Variants in BORCS5 observed in about 807,000 individuals in gnomAD.
The protein encoded by BORCS5 is BLOC-1 related complex subunit 5, also known as BLOC-1-related complex subunit 5.
In BORCS5, 17 loss-of-function variants were observed where a neutral mutation model predicts 22.1. The ratio of observed to expected loss-of-function variants is 0.77; its 90% CI spans 0.53 to 1.15. BORCS5 has a LOEUF of 1.15. BORCS5 is among the 50% of genes most tolerant of loss of function. The pLI, the probability that BORCS5 is intolerant of heterozygous loss-of-function variation, is 0.00. For missense variants in BORCS5, 247 were observed against 253.2 expected (o/e 0.98, Z 0.17); for synonymous variants, 117 against 99.8 (o/e 1.17, Z -1.03).
At chr12:12,380,135 G>T (rs1863745016) in intron 2 of BORCS5, among the ~76,000 whole-genome samples, 1 of 151,330 alleles carries the variant, frequency 6.6e-6, no homozygotes. Flanking sequence ...GGTGTGGTTT[G>T]TGGTGCCCAA....
intron 1 of BORCS5, among the ~76,000 whole-genome samples, chr12:12,358,445 AGC>A (rs1407204271): frequency 6.6e-6 from 1 of 152,252 alleles, no homozygotes; most frequent in African/African-American, 2.4e-5. Context: ...AATGGTGAGC[AGC>A]ATCTACTAGC....
intron 3 of BORCS5, among the ~76,000 whole-genome samples, chr12:12,453,300 A>T (rs970837629): frequency 2.6e-5 from 4 of 152,232 alleles, no homozygotes; most frequent in African/African-American, 9.6e-5. Flanking sequence ...AATTGCTGAG[A>T]ACTGGCATCT....
chr12:12,363,072 G>T (rs1863327432), intron 2 of BORCS5, among the ~76,000 whole-genome samples: 1 of 151,990 alleles, frequency 6.6e-6, no homozygotes, highest in Non-Finnish European at 1.5e-5. Context: ...GAGGCAGGAG[G>T]ATCACTTGAG....
chr12:12,407,404 CCTT>C (rs1383228428), intron 2 of BORCS5, among the ~76,000 whole-genome samples: 1 of 143,952 alleles, frequency 6.9e-6, no homozygotes, highest in Admixed American at 7.0e-5. Context: ...TTTTTTTTGG[CCTT>C]CTTATTAGAG....
chr12:12,376,400 A>AT (rs1457863482), intron 2 of BORCS5, among the ~76,000 whole-genome samples: 2 of 151,642 alleles, frequency 1.3e-5, no homozygotes, highest in Non-Finnish European at 2.9e-5. Flanking sequence ...CGCCCGGCTA[A>AT]TTTTTTGTAT....
intron 2 of BORCS5, among the ~76,000 whole-genome samples, chr12:12,417,543 G>T (rs1457023113): frequency 1.3e-5 from 2 of 152,146 alleles, no homozygotes; most frequent in African/African-American, 4.8e-5. Context: ...AGTCATTATT[G>T]TGAGTGGGAT....
chr12:12,371,886 T>C (rs1003032790), intron 2 of BORCS5, among the ~76,000 whole-genome samples: 1 of 152,132 alleles, frequency 6.6e-6, no homozygotes, highest in African/African-American at 2.4e-5. Flanking sequence ...TTTTCTGTCA[T>C]GTCTGTACTG....
At chr12:12,383,103 TTTAG>T (rs1359021453) in intron 2 of BORCS5, among the ~76,000 whole-genome samples, 1 of 151,424 alleles carries the variant, frequency 6.6e-6, no homozygotes, top group African/African-American at 2.4e-5. Flanking sequence ...AATACATATT[TTTAG>T]TTTACTGTTT....
rs71436712 is a variant in BORCS5, at chr12:12,362,636, C to CTTTTTTTTTTTTTTTTTTT, written c.202+1295_202+1313dup. Among the ~76,000 whole-genome samples the CTTTTTTTTTTTTTTTTTTT allele has an allele frequency of 1.0e-4, 6 of 57,588 alleles. 1 individual carries two copies. The highest frequency in any genetic ancestry group is 3.3e-4 in the African/African-American group (6 of 18,274). 37.8% of individuals were successfully genotyped at this position (57,588 alleles called of 152,430 possible). ...CAACACATTATATCATGTTACTCAT[C>CTTTTTTTTTTTTTTTTTTT]TTTTTTTTTTTTTTTTTTTTTTTTT... On this transcript the variant is annotated intron_variant, in intron 2 of 3. Transcript: ENST00000314565.
chr12:12,418,569 C>A (rs1419851955), intron 2 of BORCS5, among the ~76,000 whole-genome samples: 1 of 152,116 alleles, frequency 6.6e-6, no homozygotes, highest in African/African-American at 2.4e-5. Context: ...TGTCTGTAGT[C>A]CCAGCTACTT....
intron 2 of BORCS5, among the ~76,000 whole-genome samples, chr12:12,404,194 G>A (rs1191548449): frequency 1.3e-5 from 2 of 152,134 alleles, no homozygotes; most frequent in African/African-American, 4.8e-5. Context: ...AACTTTGCTT[G>A]GGGGAAATGA....
intron 2 of BORCS5, among the ~76,000 whole-genome samples, chr12:12,413,522 T>C (rs1182010973): frequency 6.7e-6 from 1 of 149,152 alleles, no homozygotes; most frequent in South Asian, 2.1e-4. Context: ...CTCAGTTTTT[T>C]CCCCACCCTT....
chr12:12,359,743 GT>G (rs981359137), intron 1 of BORCS5, among the ~76,000 whole-genome samples: 2 of 151,926 alleles, frequency 1.3e-5, no homozygotes, highest in Non-Finnish European at 2.9e-5. Flanking sequence ...TTGAGAACAG[GT>G]TTTTTTCCTG....
rs754909139 is a variant in BORCS5 at position 12,428,261 on chromosome 12, C to G, written c.203-7367C>G. 1.6e-3 allele frequency among the ~76,000 whole-genome samples: 238 copies of G among 152,328 alleles called. 2 individuals are homozygous for G. Among genetic ancestry groups the G allele is most frequent in the Non-Finnish European group, 2.9e-3 (196 of 68,034 alleles). The stretch of plus-strand genomic sequence containing the variant: ...GTGGGTTTCCCCCCACCTGACATCT[C>G]AGAATGAAAAAGATCACTCTGCAGA... On this transcript the variant is annotated intron_variant, in intron 2 of 3. Coordinates refer to ENST00000314565, the MANE Select transcript of BORCS5 (RefSeq NM_058169.6).
At chr12:12,366,999 C>T (rs1863420398) in intron 2 of BORCS5, among the ~76,000 whole-genome samples, 1 of 152,148 alleles carries the variant, frequency 6.6e-6, no homozygotes, top group African/African-American at 2.4e-5. Context: ...TGATACTAAG[C>T]AGCTTTGTTG....
rs1863332958 is a variant in BORCS5 at position 12,363,298 on chromosome 12, A to G, written c.202+1949A>G. Among the ~76,000 whole-genome samples the G allele has an allele frequency of 2.0e-5, 3 of 150,730 alleles. No homozygotes were observed. In the South Asian group the frequency reaches 6.3e-4, roughly 32 times the overall value. ...GGTGACAGAGTGAGATCCTGCCTCAAAAGAAAAAAAAAAAAAGCCGGCCAG... is the reference window on the plus strand; with the variant it reads ...GGTGACAGAGTGAGATCCTGCCTCAGAAGAAAAAAAAAAAAAGCCGGCCAG... On this transcript the variant is annotated intron_variant, in intron 2 of 3. Coordinates refer to ENST00000314565, the MANE Select transcript of BORCS5 (RefSeq NM_058169.6).
chr12:12,372,592 C>A (rs973833720), intron 2 of BORCS5, among the ~76,000 whole-genome samples: 2 of 152,086 alleles, frequency 1.3e-5, no homozygotes, highest in African/African-American at 4.8e-5. Context: ...GTCATTTGGA[C>A]CCTTCCCATG....
At chr12:12,358,845 T>C (rs933836031) in intron 1 of BORCS5, among the ~76,000 whole-genome samples, 2 of 152,158 alleles carry the variant, frequency 1.3e-5, no homozygotes, top group African/African-American at 4.8e-5. Flanking sequence ...AAATGTTAGG[T>C]AAATTACCAA....
intron 3 of BORCS5, among the ~76,000 whole-genome samples, chr12:12,443,720 G>A (rs920479658): frequency 3.5e-4 from 54 of 152,210 alleles, no homozygotes; most frequent in African/African-American, 1.3e-3. Flanking sequence ...ACTCCATTCC[G>A]CTTTTGGACA....
Sources: gnomAD v4.1 joint callset for allele counts (sites outside exome capture counted in the v4.1 genomes callset) on GRCh38, gnomAD v4.1.1 for gene constraint, MANE v1.5 for transcripts, NCBI Gene and HGNC (gene_info 2026-07-23, HGNC 2026-07-21) for gene names.